KAZN: variants seen among roughly 807,000 people sequenced by gnomAD.
KAZN encodes kazrin, periplakin interacting protein.
A neutral mutation model predicts 87.4 loss-of-function variants in KAZN; 40 were observed. That is an observed-to-expected ratio of 0.46 (90% CI 0.36 to 0.60). The LOEUF is 0.60. KAZN is among the 20% of genes least tolerant of loss of function. KAZN has a pLI of 0.00. For missense variants in KAZN, 898 were observed against 1,073.9 expected, an observed-to-expected ratio of 0.84 and a Z score of 2.29; for synonymous variants, 466 against 458.3, an observed-to-expected ratio of 1.02 and a Z score of -0.22.
chr1:14,425,730 C>G (rs776431641), intron 2 of KAZN, among the ~76,000 whole-genome samples: 11 of 152,158 alleles, frequency 7.2e-5, no homozygotes, highest in Non-Finnish European at 1.2e-4. Context: ...CTGCATTATC[C>G]CACTTGGTCC....
At chr1:14,931,786 C>G (rs990883049) in intron 1 of KAZN, among the ~76,000 whole-genome samples, 2 of 152,158 alleles carry the variant, frequency 1.3e-5, no homozygotes, top group Non-Finnish European at 2.9e-5. Flanking sequence ...CAGGCTGGAG[C>G]ACAGGGACGA....
chr1:14,575,020 T>C (rs1675093365), intron 2 of KAZN, among the ~76,000 whole-genome samples: 1 of 123,736 alleles, frequency 8.1e-6, no homozygotes, highest in Admixed American at 7.9e-5. Context: ...TATGGCACAT[T>C]TGAGGATTCT....
chr1:14,788,153 T>C (rs1304532948), intron 1 of KAZN, among the ~76,000 whole-genome samples: 1 of 152,188 alleles, frequency 6.6e-6, no homozygotes, highest in African/African-American at 2.4e-5. Context: ...TCTGTGCACC[T>C]GCCTGGGTTG....
At chr1:15,050,068 G>C (rs557573664) in intron 4 of KAZN, among the ~76,000 whole-genome samples, 42 of 103,194 alleles carry the variant, frequency 4.1e-4, no homozygotes, top group African/African-American at 1.7e-3. Flanking sequence ...GGGTAGGGTA[G>C]AGTAGAGTAG....
chr1:15,027,070 CT>C (rs71000358), intron 2 of KAZN, among the ~76,000 whole-genome samples: 5,524 of 55,490 alleles, frequency 0.1, 18 homozygotes, highest in East Asian at 0.25. Flanking sequence ...GCCAGTGCTT[CT>C]TTTTTTTTTT....
chr1:14,887,538 T>C (rs1654207988), intron 1 of KAZN, among the ~76,000 whole-genome samples: 1 of 152,144 alleles, frequency 6.6e-6, no homozygotes, highest in African/African-American at 2.4e-5. Context: ...TTATCAGGAG[T>C]AAAATAATTA....
intron 1 of KAZN, among the ~76,000 whole-genome samples, chr1:14,116,630 C>G (rs1008318996): frequency 3.9e-5 from 6 of 152,208 alleles, no homozygotes; most frequent in South Asian, 4.1e-4. Context: ...CAGAGCCCCC[C>G]ACATGGAGTC....
chr1:14,036,219 T>A (rs978181254), intron 1 of KAZN, among the ~76,000 whole-genome samples: 5 of 152,182 alleles, frequency 3.3e-5, no homozygotes, highest in Non-Finnish European at 5.9e-5. Flanking sequence ...TCTTCCAACA[T>A]GGCCCAAGAC....
intron 1 of KAZN, among the ~76,000 whole-genome samples, chr1:14,852,807 G>A (rs897179471): frequency 2.6e-5 from 4 of 152,174 alleles, no homozygotes; most frequent in African/African-American, 4.8e-5. Context: ...GTGTCCTTGC[G>A]TGCCAGGCTA....
chr1:14,263,638 G>A lies in KAZN; in HGVS notation c.249+83046G>A, dbSNP rs115947078. 7.9e-3 allele frequency among the ~76,000 whole-genome samples: 1,199 copies of A among 152,254 alleles called. 9 individuals carry two copies. Among genetic ancestry groups the A allele is most frequent in the Admixed American group, 0.014 (211 of 15,298 alleles). On this transcript the variant is annotated intron_variant, in intron 2 of 16. Transcript: ENST00000636203. ...TGCTAAAGGGAAAAAGTGTGGGAGC[G>A]GGGGCAGGGTGGGGCTGGGGTGCAA...
intron 2 of KAZN, among the ~76,000 whole-genome samples, chr1:14,194,292 GGGACAAGTTGAGTCTCCCA>G (rs1486013785): frequency 6.6e-6 from 1 of 152,114 alleles, no homozygotes; most frequent in Non-Finnish European, 1.5e-5. Flanking sequence ...GCTACCCCAG[GGGACAAGTTGAGTCTCCCA>G]GGATCCAGAA....
intron 2 of KAZN, among the ~76,000 whole-genome samples, chr1:14,260,298 G>A (rs1469832616): frequency 3.9e-5 from 6 of 152,274 alleles, no homozygotes; most frequent in East Asian, 1.9e-4. Flanking sequence ...TAAAACCTGC[G>A]GAATGTCCGA....
intron 1 of KAZN, among the ~76,000 whole-genome samples, chr1:14,937,907 G>A (rs942839036): frequency 6.6e-6 from 1 of 152,222 alleles, no homozygotes; most frequent in Admixed American, 6.5e-5. Flanking sequence ...CAGCAGAGCA[G>A]GCATGCATGG....
intron 2 of KAZN, among the ~76,000 whole-genome samples, chr1:14,590,793 A>C (rs139058543): frequency 4.5e-4 from 69 of 152,290 alleles, no homozygotes; most frequent in African/African-American, 1.6e-3. Flanking sequence ...ATCTCTCTTA[A>C]TTCCTCAACA....
chr1:13,941,446 G>A (rs934017850), intron 1 of KAZN, among the ~76,000 whole-genome samples: 1 of 152,160 alleles, frequency 6.6e-6, no homozygotes, highest in Non-Finnish European at 1.5e-5. Context: ...CTCACATTTA[G>A]GTTGGACAGG....
intron 1 of KAZN, among the ~76,000 whole-genome samples, chr1:13,960,015 A>G (rs1641691684): frequency 6.6e-6 from 1 of 152,202 alleles, no homozygotes; most frequent in Non-Finnish European, 1.5e-5. Flanking sequence ...GAAGTTTTTC[A>G]TAATAAAAAG....
intron 2 of KAZN, among the ~76,000 whole-genome samples, chr1:14,417,826 C>A (rs898532725): frequency 6.6e-6 from 1 of 151,466 alleles, no homozygotes; most frequent in Non-Finnish European, 1.5e-5. Context: ...GAAACCCCAT[C>A]CCTACTAAAA....
intron 2 of KAZN, among the ~76,000 whole-genome samples, chr1:14,202,161 G>A (rs1450039699): frequency 6.6e-6 from 1 of 152,188 alleles, no homozygotes; most frequent in Non-Finnish European, 1.5e-5. Flanking sequence ...CAACCACACA[G>A]GGTGAGTCCT....
At chr1:14,762,094 C>T (rs1289922685) in intron 1 of KAZN, among the ~76,000 whole-genome samples, 1 of 152,114 alleles carries the variant, frequency 6.6e-6, no homozygotes, top group Non-Finnish European at 1.5e-5. Flanking sequence ...GCTCTGTGTC[C>T]TCAGGATGAC....
Sources: allele counts gnomAD v4.1 joint callset (sites outside exome capture counted in the v4.1 genomes callset), GRCh38; gene constraint gnomAD v4.1.1; transcripts MANE v1.5; gene names NCBI Gene and HGNC (gene_info 2026-07-23, HGNC 2026-07-21).